RBFOX1: variants seen among roughly 807,000 people sequenced by gnomAD.
RBFOX1 encodes the protein RNA binding protein fox-1 homolog 1.
RBFOX1 carries 8 observed loss-of-function variants against 57.7 expected under a neutral mutation model. The ratio of observed to expected loss-of-function variants is 0.14; its 90% CI spans 0.08 to 0.25. RBFOX1 has a LOEUF of 0.25. RBFOX1 is among the 10% of genes least tolerant of loss of function. The probability of loss-of-function intolerance (pLI) is 1.00; values close to 1 mark genes in which losing one functional copy is unlikely to be tolerated. For synonymous variants in RBFOX1, 326 were observed against 222.4 expected (o/e 1.47, Z -4.15); for missense variants, 611 against 548.5 (o/e 1.11, Z -1.14).
At chr16:6,083,208 G>A (rs1308385295) in intron 1 of RBFOX1, among the ~76,000 whole-genome samples, 1 of 152,084 alleles carries the variant, frequency 6.6e-6, no homozygotes, top group Non-Finnish European at 1.5e-5. Context: ...TCACCATGAT[G>A]GCCAAGCTGG....
At chr16:6,517,323 C>T (rs964940503) in intron 2 of RBFOX1, among the ~76,000 whole-genome samples, 2 of 152,158 alleles carry the variant, frequency 1.3e-5, no homozygotes, top group African/African-American at 4.8e-5. Flanking sequence ...CTTTAGTATT[C>T]AAGGTTGCAT....
chr16:7,018,895 G>A lies in RBFOX1; in HGVS notation c.-15-33162G>A, dbSNP rs1157523918. On this transcript the variant is annotated intron_variant, in intron 3 of 15. Coordinates refer to ENST00000550418, the MANE Select transcript of RBFOX1 (RefSeq NM_018723.4). ...GCACATTGGGAGGCCAAAGTGGGAG[G>A]ATCTCTTGAGCTCAGGAGTTCAAGA... Among the ~76,000 whole-genome samples, 3 of 152,236 alleles carry A rather than the reference G, an allele frequency of 2.0e-5. No individual in the cohort carries two copies. The East Asian group carries it at 5.8e-4, about 29-fold the overall frequency.
intron 1 of RBFOX1, among the ~76,000 whole-genome samples, chr16:5,359,724 G>A (rs1393330132): frequency 6.6e-6 from 1 of 152,000 alleles, no homozygotes; most frequent in Non-Finnish European, 1.5e-5. Flanking sequence ...CTGTGCAGAA[G>A]CTTTTTAACT....
intron 1 of RBFOX1, among the ~76,000 whole-genome samples, chr16:6,150,743 G>T (rs1274506810): frequency 6.6e-6 from 1 of 152,152 alleles, no homozygotes; most frequent in Admixed American, 6.5e-5. Context: ...AATGGGTCTT[G>T]TTTATCTATC....
intron 4 of RBFOX1, among the ~76,000 whole-genome samples, chr16:7,322,648 C>T (rs2096560863): frequency 6.6e-6 from 1 of 152,114 alleles, no homozygotes; most frequent in East Asian, 1.9e-4. Flanking sequence ...GGGCACAATT[C>T]AGAGTGGTCC....
At chr16:6,034,224 A>G (rs559166486) in intron 1 of RBFOX1, among the ~76,000 whole-genome samples, 2 of 146,016 alleles carry the variant, frequency 1.4e-5, no homozygotes, top group South Asian at 2.2e-4. Context: ...AATCCCAGCT[A>G]CTTGGGAGGC....
chr16:6,321,884 G>T (rs1209651423), intron 2 of RBFOX1, among the ~76,000 whole-genome samples: 1 of 152,148 alleles, frequency 6.6e-6, no homozygotes, highest in African/African-American at 2.4e-5. Context: ...ATAGACTCCA[G>T]ATCTATCACT....
At position 6,461,416 on chromosome 16, in the gene RBFOX1, T is replaced by C. The variant is rs78580440; in HGVS notation, c.-64+144359T>C. On this transcript the variant is annotated intron_variant, in intron 2 of 15. Coordinates refer to ENST00000550418, the MANE Select transcript of RBFOX1 (RefSeq NM_018723.4). Reference sequence around the variant, plus strand: ...GATTAAGACTTCAACGTATGAATTTTGAGGGCTACTATCAGCCCATGACTT... The same window carrying C: ...GATTAAGACTTCAACGTATGAATTTCGAGGGCTACTATCAGCCCATGACTT... 4.6e-3 allele frequency among the ~76,000 whole-genome samples: 701 copies of C among 152,322 alleles called. 19 individuals are homozygous for C. In the East Asian group the frequency reaches 0.091, roughly 20 times the overall value.
At chr16:5,754,271 GATTA>G (rs568396833) in intron 3 of RBFOX1, among the ~76,000 whole-genome samples, 353 of 152,258 alleles carry the variant, frequency 2.3e-3, no homozygotes, top group African/African-American at 8.3e-3. Flanking sequence ...GTCTTGGGAG[GATTA>G]ATTGTGTTAA....
At chr16:6,414,588 G>A (rs903158754) in intron 2 of RBFOX1, among the ~76,000 whole-genome samples, 1 of 152,118 alleles carries the variant, frequency 6.6e-6, no homozygotes, top group African/African-American at 2.4e-5. Flanking sequence ...TAAGCAAAGG[G>A]GTCTCATTCG....
At chr16:6,918,921 T>C (rs2073857012) in intron 3 of RBFOX1, among the ~76,000 whole-genome samples, 1 of 152,166 alleles carries the variant, frequency 6.6e-6, no homozygotes, top group African/African-American at 2.4e-5. Context: ...GGCTGTGATC[T>C]AGTTACGCAG....
chr16:7,600,691 G>C (rs963866794), intron 9 of RBFOX1, among the ~76,000 whole-genome samples: 3 of 152,178 alleles, frequency 2.0e-5, no homozygotes, highest in African/African-American at 7.2e-5. Flanking sequence ...ATCAATGCCA[G>C]CATCACCTTC....
At chr16:5,710,201 T>C (rs976071214) in intron 3 of RBFOX1, among the ~76,000 whole-genome samples, 4 of 152,022 alleles carry the variant, frequency 2.6e-5, no homozygotes, top group African/African-American at 9.6e-5. Flanking sequence ...GTGGATAGGG[T>C]CCTATTTTGT....
rs537952230 is a variant in RBFOX1 at position 5,492,263 on chromosome 16, A to G, written c.258+25009A>G. ...TGATGAGAGGAAACCCACAGGTCAC[A>G]GGTACCTGTTTTTCCCAATTCTAAA... is the stretch of plus-strand genomic sequence containing the variant. On this transcript the variant is annotated intron_variant, in intron 2 of 2. Transcript: ENST00000585867. Among the ~76,000 whole-genome samples the G allele has an allele frequency of 6.6e-5, 10 of 152,368 alleles. No individual in the cohort carries two copies. The South Asian group carries it at 1.9e-3, about 28-fold the overall frequency.
chr16:5,858,036 C>G (rs868412192), intron 3 of RBFOX1, among the ~76,000 whole-genome samples: 5 of 152,084 alleles, frequency 3.3e-5, no homozygotes, highest in African/African-American at 4.8e-5. Flanking sequence ...CTTCCACAAG[C>G]AGAGGTATGA....
chr16:6,647,327 C>A (rs978689924), intron 2 of RBFOX1, among the ~76,000 whole-genome samples: 1 of 152,108 alleles, frequency 6.6e-6, no homozygotes, highest in Admixed American at 6.6e-5. Context: ...CTCGCTGCAA[C>A]TTCCGCCTCC....
chr16:6,214,399 C>T (rs1001877836), intron 1 of RBFOX1, among the ~76,000 whole-genome samples: 2 of 120,994 alleles, frequency 1.7e-5, no homozygotes, highest in Admixed American at 8.5e-5. Context: ...GGGAGAGGGA[C>T]AGGAAGAGAG....
At chr16:7,189,596 C>CACAA (rs2084871946) in intron 4 of RBFOX1, among the ~76,000 whole-genome samples, 2 of 150,564 alleles carry the variant, frequency 1.3e-5, no homozygotes, top group Non-Finnish European at 3.0e-5. Flanking sequence ...CATACACACA[C>CACAA]AAAATAGAGC....
At chr16:6,749,311 C>T (rs1210802556) in intron 3 of RBFOX1, among the ~76,000 whole-genome samples, 1 of 152,142 alleles carries the variant, frequency 6.6e-6, no homozygotes, top group Non-Finnish European at 1.5e-5. Context: ...AATGAGAGAA[C>T]AGATGCACAC....
Sources: allele counts gnomAD v4.1 joint callset (sites outside exome capture counted in the v4.1 genomes callset), GRCh38; gene constraint gnomAD v4.1.1; transcripts MANE v1.5; gene names NCBI Gene and HGNC (gene_info 2026-07-23, HGNC 2026-07-21).